Variants in COG1 observed in about 807,000 individuals in gnomAD.
COG1 encodes component of oligomeric golgi complex 1, also known as conserved oligomeric Golgi complex subunit 1.
COG1 carries 61 observed loss-of-function variants against 102.2 expected under a neutral mutation model. That is an observed-to-expected ratio of 0.60 (90% CI 0.49 to 0.74). The LOEUF (loss-of-function observed/expected upper bound fraction) is 0.74, where lower values mean the gene tolerates loss of function less well. COG1 is among the 30% of genes least tolerant of loss of function. COG1 has a pLI of 0.00. For missense variants in COG1, 1,164 were observed against 1,232.1 expected (o/e 0.94, Z 0.83); for synonymous variants, 454 against 493.6 (o/e 0.92, Z 1.06).
At chr17:73,207,886 T>G in intron 13 of COG1, 1 of 1,188,444 alleles carries the variant, frequency 8.4e-7, no homozygotes, top group Non-Finnish European at 1.1e-6. Flanking sequence ...CATTAAGATC[T>G]AAAATCCTTG....
chr17:73,198,161 G>C (rs747999603), intron 4 of COG1, among the ~76,000 whole-genome samples: 1 of 146,878 alleles, frequency 6.8e-6, no homozygotes, highest in Non-Finnish European at 1.5e-5. Flanking sequence ...CTTGGGTTAC[G>C]AAGGAACAAT....
chr17:73,193,069 C>T lies in COG1; in HGVS notation c.-1C>T, dbSNP rs1436805672. On this transcript the variant is annotated 5_prime_UTR_variant, in exon 1 of 14. Coordinates refer to ENST00000299886, the MANE Select transcript of COG1 (RefSeq NM_018714.3). The stretch of plus-strand genomic sequence containing the variant: ...GATCGCCGGGGGCTGACGAGTGCAC[C>T]ATGGCCACCGCGGCAACCTCACCCG... The T allele has an allele frequency of 4.4e-6, 7 of 1,606,942 alleles. No homozygotes were observed. Among genetic ancestry groups the T allele is most frequent in the African/African-American group, 4.0e-5 (3 of 74,768 alleles).
In COG1 at chr17:73,201,980, A is replaced by T. The variant is rs1003419239; in HGVS notation, c.2073+80A>T. 5 of 1,304,658 alleles carry T rather than the reference A, an allele frequency of 3.8e-6. No homozygotes were observed. In the African/African-American group the frequency reaches 4.4e-5, roughly 11 times the overall value. 80.8% of individuals were successfully genotyped at this position (1,304,658 alleles called of 1,614,324 possible). ...CTTGCCAACCTCAATCAGTTCCTTC[A>T]GTAGTAAAGGCAAAACAATTCTGAT... On this transcript the variant is annotated intron_variant, in intron 7 of 13. Coordinates refer to ENST00000299886, the MANE Select transcript of COG1 (RefSeq NM_018714.3).
chr17:73,197,036 G>T lies in COG1; in HGVS notation c.697G>T (p.Ala233Ser). 6.2e-7 allele frequency: 1 copy of T among 1,614,158 alleles called. No homozygotes were observed. The highest frequency in any genetic ancestry group is 8.5e-7 in the Non-Finnish European group (1 of 1,180,030). Residue 233 changes from alanine (A) to serine (S), a missense_variant, in exon 3 of 14, where the codon GCC becomes TCC. Physicochemically the swap from Ala to Ser is moderately conservative, Grantham distance 99 (BLOSUM62 1). Coordinates refer to ENST00000299886, the MANE Select transcript of COG1 (RefSeq NM_018714.3). Reference protein sequence around the residue: ...PRQALTDFLLARKATIQKLLN... With the variant: ...PRQALTDFLLSRKATIQKLLN... ...CCAAGCCCTCACAGACTTCCTGCTG[G>T]CCAGAAAGGCAACTATTCAGAAACT... is the stretch of plus-strand genomic sequence containing the variant.
intron 10 of COG1, 175 bp downstream of exon 10, chr17:73,205,855 C>G (rs1478414188): frequency 2.4e-6 from 2 of 837,098 alleles, no homozygotes; most frequent in Non-Finnish European, 3.9e-6. Flanking sequence ...TGGATAAATG[C>G]AATGGTCAAG....
chr17:73,206,526 CCT>C (rs2061373330), intron 11 of COG1, among the ~76,000 whole-genome samples, 180 bp from the exon 12 acceptor site: 1 of 152,142 alleles, frequency 6.6e-6, no homozygotes, highest in Admixed American at 6.5e-5. Context: ...AAACTCCCTG[CCT>C]CTCAGATTCT....
At position 73,206,696 on chromosome 17, in the gene COG1, CTT is replaced by C. The variant is rs780690910; in HGVS notation, c.2620-11_2620-10del. The C allele has an allele frequency of 4.3e-5, 67 of 1,563,852 alleles. No homozygotes were observed. The highest frequency in any genetic ancestry group is 1.7e-4 in the Middle Eastern group (1 of 5,972). On this transcript the variant is annotated splice_polypyrimidine_tract_variant and intron_variant, in intron 11 of 13. Transcript: ENST00000299886. ...GCACAATGAAACCTCTGCTCCACCTCTTGTCTGCCAGGTTCTGTTTGGATTGG... is the reference window on the plus strand; with the variant it reads ...GCACAATGAAACCTCTGCTCCACCTCGTCTGCCAGGTTCTGTTTGGATTGG...
chr17:73,206,091 TATC>T, intron 10 of COG1, 60 bp from the exon 11 acceptor site: 1 of 1,271,822 alleles, frequency 7.9e-7, no homozygotes, highest in South Asian at 1.2e-5. Context: ...AGCAGTAGGA[TATC>T]ATAAGATTGT....
In COG1 at chr17:73,193,352, T is replaced by C; in HGVS notation, c.283T>C (p.Ser95Pro). The stretch of plus-strand genomic sequence containing the variant: ...CTGCGCCCGCCTCCGCCAGGCCGGC[T>C]CGGCCGCGCCCCGGCCACCGCGGGC... ...QYCARLRQAG[S>P]AAPRPPRAQQ... Residue 95 changes from serine to proline, a missense_variant, in exon 1 of 14, where the codon TCG becomes CCG. Ser to Pro is a moderately conservative substitution (Grantham distance 74). Coordinates refer to ENST00000299886, the MANE Select transcript of COG1 (RefSeq NM_018714.3). 1.3e-6 allele frequency: 2 copies of C among 1,506,156 alleles called. No homozygotes were observed. Among genetic ancestry groups the C allele is most frequent in the Non-Finnish European group, 1.8e-6 (2 of 1,131,348 alleles). The allele number at this position is 1,506,156 out of a possible 1,614,324, so 93.3% of individuals were successfully genotyped here. A position where few individuals can be genotyped will look rare whatever the true frequency, so the allele number is the denominator to read the frequency against.
chr17:73,198,207 TAGG>T (rs74269576), intron 4 of COG1, among the ~76,000 whole-genome samples: 7 of 152,094 alleles, frequency 4.6e-5, no homozygotes, highest in Non-Finnish European at 1.0e-4. Context: ...GACGTCTGTT[TAGG>T]AGGAGAGGAT....
At chr17:73,205,211 C>A in intron 9 of COG1, 2 of 310,034 alleles carry the variant, frequency 6.5e-6, no homozygotes, top group Non-Finnish European at 1.2e-5. Flanking sequence ...GGAACAAATC[C>A]TGATTTTGGA....
intron 1 of COG1, among the ~76,000 whole-genome samples, chr17:73,194,363 A>G: frequency 7.8e-6 from 1 of 128,672 alleles, no homozygotes; most frequent in African/African-American, 2.9e-5. Context: ...AATGGCATGA[A>G]CCCGGGAGGC....
intron 1 of COG1, 52 bp from the exon 2 acceptor site, chr17:73,196,455 T>C: frequency 1.9e-6 from 3 of 1,598,990 alleles, no homozygotes; most frequent in Non-Finnish European, 1.7e-6. Context: ...TACAGAACAC[T>C]GAGATTGCTT....
rs771511506 is a variant in COG1, at chr17:73,201,101, T to G, written c.1282-8T>G. 8 of 1,613,084 alleles carry G rather than the reference T, an allele frequency of 5.0e-6. No homozygotes were observed. Among genetic ancestry groups the G allele is most frequent in the Non-Finnish European group, 6.8e-6 (8 of 1,179,202 alleles). On this transcript the variant is annotated splice_region_variant and splice_polypyrimidine_tract_variant and intron_variant, in intron 6 of 13. Coordinates refer to ENST00000299886, the MANE Select transcript of COG1 (RefSeq NM_018714.3). Reference sequence around the variant, plus strand: ...TGTGATTAGAACTCTTCTCTCATTCTCTTTTAGACTCTGACAAAAGAAGGC... The same window carrying G: ...TGTGATTAGAACTCTTCTCTCATTCGCTTTTAGACTCTGACAAAAGAAGGC...
At chr17:73,208,026 T>C in intron 13 of COG1, 1 of 1,331,784 alleles carries the variant, frequency 7.5e-7, no homozygotes, top group Non-Finnish European at 9.7e-7. Context: ...TGCAGTGATC[T>C]TTCAGTTCTG....
rs767970509 is a variant in COG1 at position 73,201,610 on chromosome 17, G to T, written c.1783G>T (p.Gly595Cys). The T allele has an allele frequency of 1.2e-6, 2 of 1,614,186 alleles. No individual in the cohort carries two copies. Among genetic ancestry groups the T allele is most frequent in the Admixed American group, 3.3e-5 (2 of 60,028 alleles). The part of the protein sequence containing the change: ...IRAELQSIEE[G>C]VQGQQDALNS... ...GGCAGAGCTACAGAGCATTGAAGAG[G>T]GTGTGCAAGGGCAACAGGATGCCCT... The change falls in exon 7 of 14, where the codon GGT becomes TGT. Residue 595 changes from glycine to cysteine, a missense_variant. By Grantham distance (159) the Gly-to-Cys change is radical. Transcript: ENST00000299886.
chr17:73,193,303 C>T lies in COG1; in HGVS notation c.234C>T (p.Asp78=), dbSNP rs1363284193. ...GCCGCTGCGCCGTGGGGCTAGTGGACGCCGTGAAGGCCACCGACCAGTACT... is the reference window on the plus strand; with the variant it reads ...GCCGCTGCGCCGTGGGGCTAGTGGATGCCGTGAAGGCCACCGACCAGTACT... ...QMRRCAVGLV[D]AVKATDQYCA... Residue 78 remains aspartate (D), a synonymous_variant, in exon 1 of 14, where the codon GAC becomes GAT. Coordinates refer to ENST00000299886, the MANE Select transcript of COG1 (RefSeq NM_018714.3). 1.9e-6 allele frequency: 3 copies of T among 1,589,232 alleles called. No homozygotes were observed. The highest frequency in any genetic ancestry group is 1.1e-5 in the South Asian group (1 of 87,878).
intron 11 of COG1, 21 bp downstream of exon 11, chr17:73,206,283 G>C: frequency 6.3e-7 from 1 of 1,584,906 alleles, no homozygotes; most frequent in Non-Finnish European, 8.7e-7. Flanking sequence ...TCAAAAACAT[G>C]CTTAGTGCGA....
chr17:73,207,337 A>ATAAC, intron 13 of COG1, 81 bp downstream of exon 13: 1 of 1,238,558 alleles, frequency 8.1e-7, no homozygotes, highest in South Asian at 1.2e-5. Flanking sequence ...TCCCTTTTAA[A>ATAAC]TAACTGATTA....
Sources: gnomAD v4.1 joint callset for allele counts (sites outside exome capture counted in the v4.1 genomes callset) on GRCh38, gnomAD v4.1.1 for gene constraint, MANE v1.5 for transcripts, NCBI Gene and HGNC (gene_info 2026-07-23, HGNC 2026-07-21) for gene names.